KDM2B: variants seen among roughly 807,000 people sequenced by gnomAD.
The protein encoded by KDM2B is lysine-specific demethylase 2B.
A neutral mutation model predicts 150.0 loss-of-function variants in KDM2B; 26 were observed. The observed-to-expected ratio is 0.17, with a 90% confidence interval of 0.13 to 0.24. The LOEUF (loss-of-function observed/expected upper bound fraction) is 0.24. Among genes scored for constraint, KDM2B ranks in the 10% least tolerant of loss-of-function variants. The probability of loss-of-function intolerance (pLI) is 1.00; values close to 1 mark genes in which losing one functional copy is unlikely to be tolerated. For synonymous variants in KDM2B, 734 were observed against 729.5 expected (o/e 1.01, Z -0.10); for missense variants, 1,265 against 1,816.9 (o/e 0.70, Z 5.52).
At chr12:121,517,429 G>C (rs911597140) in intron 9 of KDM2B, among the ~76,000 whole-genome samples, 2 of 151,866 alleles carry the variant, frequency 1.3e-5, no homozygotes, top group Non-Finnish European at 2.9e-5. Context: ...AGTTTAGATA[G>C]GGGTCCCCAC....
At position 121,542,388 on chromosome 12, in the gene KDM2B, A is replaced by AC. The variant is rs1177173715; in HGVS notation, c.683+6488dup. On this transcript the variant is annotated intron_variant, in intron 6 of 22. Transcript: ENST00000377071. ...TTGAACTCCTGGGCTCAAGCACTCCACCCCCCTTGGCCTCCCAAAGTGCTG... is the reference window on the plus strand; with the variant it reads ...TTGAACTCCTGGGCTCAAGCACTCCACCCCCCCTTGGCCTCCCAAAGTGCTG... Among the ~76,000 whole-genome samples, 10 of 151,708 alleles carry AC rather than the reference A, an allele frequency of 6.6e-5. No individual in the cohort carries two copies. In the South Asian group the frequency reaches 8.3e-4, roughly 13 times the overall value.
chr12:121,579,544 T>A, intron 1 of KDM2B: 4 of 1,089,188 alleles, frequency 3.7e-6, no homozygotes, highest in Non-Finnish European at 4.9e-6. Context: ...GGGAGGAGAA[T>A]CGGGGCTTGG....
chr12:121,427,168 A>C (rs1872548160), downstream of KDM2B, among the ~76,000 whole-genome samples: 2 of 152,168 alleles, frequency 1.3e-5, no homozygotes, highest in Non-Finnish European at 2.9e-5. Context: ...TCATTACTTC[A>C]TCAGACATGG....
chr12:121,580,342 G>A (rs1891873422), intron 1 of KDM2B: 5 of 1,054,260 alleles, frequency 4.7e-6, no homozygotes, highest in Non-Finnish European at 5.7e-6. Flanking sequence ...TATTTGGGGG[G>A]GCTCTCGGCC....
Position 121,532,963 on chromosome 12 carries a change from G to A in KDM2B, c.778-4C>T. ...TTGGAGGAATCAGCCAAAAAATCTTGGGAGAAAACACAGGCAGTCAGCTGG... is the reference window on the plus strand; with the variant it reads ...TTGGAGGAATCAGCCAAAAAATCTTAGGAGAAAACACAGGCAGTCAGCTGG... On this transcript the variant is annotated splice_region_variant and splice_polypyrimidine_tract_variant and intron_variant, in intron 7 of 22. Transcript: ENST00000377071. The A allele has an allele frequency of 6.2e-7, 1 of 1,614,024 alleles. No individual in the cohort carries two copies. Among genetic ancestry groups the A allele is most frequent in the East Asian group, 2.2e-5 (1 of 44,874 alleles).
intron 4 of KDM2B, among the ~76,000 whole-genome samples, chr12:121,564,052 C>T (rs182055132): frequency 3.9e-4 from 59 of 151,370 alleles, no homozygotes; most frequent in African/African-American, 1.3e-3. Context: ...GAGGTTGAGG[C>T]GGCAGTGAGC....
intron 19 of KDM2B, among the ~76,000 whole-genome samples, chr12:121,441,577 C>T (rs147834103): frequency 2.6e-4 from 39 of 152,258 alleles, no homozygotes; most frequent in African/African-American, 9.4e-4. Flanking sequence ...GCTGGGATTA[C>T]AGGTGTGCGC....
chr12:121,582,080 T>A (rs954028081), upstream of KDM2B, among the ~76,000 whole-genome samples: 1 of 152,244 alleles, frequency 6.6e-6, no homozygotes, highest in Non-Finnish European at 1.5e-5. Context: ...TAGCCCTTCG[T>A]GTGAGTGCTG....
In KDM2B at chr12:121,442,954, C is replaced by A. The variant is rs1875424606; in HGVS notation, c.2604+38G>T. On this transcript the variant is annotated intron_variant, in intron 18 of 22. Transcript: ENST00000377071. This position sits in a 1 kb window ranked among gnomAD's most constrained non-coding sequence, Gnocchi z 7.7. ...GGGAGCTGCGGTGCAGCTCTAACCG[C>A]TCAGGCCTGGGGCACAGGAGGGAGG... The A allele has an allele frequency of 6.2e-7, 1 of 1,611,324 alleles. No homozygotes were observed. Among genetic ancestry groups the A allele is most frequent in the Admixed American group, 1.7e-5 (1 of 59,740 alleles).
intron 6 of KDM2B, among the ~76,000 whole-genome samples, chr12:121,547,593 G>T (rs1555310928): frequency 1.3e-5 from 2 of 151,844 alleles, no homozygotes; most frequent in African/African-American, 4.8e-5. Context: ...ACTCTTCTAG[G>T]AAGCCCAGAG....
chr12:121,432,774 T>G (rs1873278405), intron 22 of KDM2B, among the ~76,000 whole-genome samples: 1 of 152,234 alleles, frequency 6.6e-6, no homozygotes, highest in South Asian at 2.1e-4. Context: ...TGCGTCTCAT[T>G]CCTTACTCAG....
intron 6 of KDM2B, among the ~76,000 whole-genome samples, chr12:121,546,200 T>C (rs1412669650): frequency 6.6e-6 from 1 of 152,062 alleles, no homozygotes; most frequent in Non-Finnish European, 1.5e-5. Flanking sequence ...TCAGCACCAA[T>C]CAAGGGCTCA....
intron 10 of KDM2B, among the ~76,000 whole-genome samples, chr12:121,511,309 C>G (rs1885569051): frequency 8.2e-6 from 1 of 122,694 alleles, no homozygotes; most frequent in Non-Finnish European, 1.6e-5. Flanking sequence ...TTTTTTGAGA[C>G]AGAGTCTCAC....
chr12:121,538,380 G>A (rs1314038888), intron 6 of KDM2B, among the ~76,000 whole-genome samples: 1 of 152,146 alleles, frequency 6.6e-6, no homozygotes, highest in Admixed American at 6.5e-5. Flanking sequence ...GGGAGAGTGG[G>A]ATCCGGAGTA....
At chr12:121,423,417 AGAC>A in the KDM2B span, 6 of 1,611,218 alleles carry the variant, frequency 3.7e-6, no homozygotes, top group East Asian at 2.2e-5. The surrounding 1 kb of genome is among the most constrained non-coding windows in gnomAD (Gnocchi z 4.3). Context: ...AGGATGAGGA[AGAC>A]GACAGCCTGT....
At chr12:121,558,613 C>G (rs1211398447) in intron 4 of KDM2B, among the ~76,000 whole-genome samples, 1 of 151,848 alleles carries the variant, frequency 6.6e-6, no homozygotes, top group Non-Finnish European at 1.5e-5. Context: ...GCCACCATGC[C>G]CCAGCTAATT....
At chr12:121,508,049 A>G (rs1885251056) in intron 11 of KDM2B, among the ~76,000 whole-genome samples, 1 of 152,174 alleles carries the variant, frequency 6.6e-6, no homozygotes, top group Non-Finnish European at 1.5e-5. Flanking sequence ...AGACTTTCCA[A>G]AAGCATGGAA....
the KDM2B span, among the ~76,000 whole-genome samples, chr12:121,418,982 C>G: frequency 2.0e-5 from 3 of 152,166 alleles, no homozygotes; most frequent in Non-Finnish European, 4.4e-5. Flanking sequence ...AGATTACAGG[C>G]ATGAGCCAAC....
chr12:121,555,506 G>A (rs1345892177), intron 4 of KDM2B, among the ~76,000 whole-genome samples: 1 of 152,106 alleles, frequency 6.6e-6, no homozygotes, highest in Non-Finnish European at 1.5e-5. Context: ...CAAAGTAGCT[G>A]GGATTACAGG....
Sources: allele counts gnomAD v4.1 joint callset (sites outside exome capture counted in the v4.1 genomes callset), GRCh38; gene constraint gnomAD v4.1.1; non-coding constraint Gnocchi (gnomAD v3.1); transcripts MANE v1.5; gene names NCBI Gene and HGNC (gene_info 2026-07-23, HGNC 2026-07-21).